Variants in BMPR1B observed in about 807,000 individuals in gnomAD.
BMPR1B encodes bone morphogenetic protein receptor type 1B.
BMPR1B carries 12 observed loss-of-function variants against 59.1 expected under a neutral mutation model. The ratio of observed to expected loss-of-function variants is 0.20; its 90% CI spans 0.13 to 0.33. BMPR1B has a LOEUF of 0.33. BMPR1B is among the 10% of genes least tolerant of loss of function. The pLI, the probability that BMPR1B is intolerant of heterozygous loss-of-function variation, is 1.00. For synonymous variants in BMPR1B, 237 were observed against 207.3 expected, an observed-to-expected ratio of 1.14 and a Z score of -1.23; for missense variants, 550 against 610.9, an observed-to-expected ratio of 0.90 and a Z score of 1.05.
At chr4:95,139,841 C>T (rs907487254) in intron 10 of BMPR1B, among the ~76,000 whole-genome samples, 1 of 152,172 alleles carries the variant, frequency 6.6e-6, no homozygotes, top group Non-Finnish European at 1.5e-5. Context: ...GTCATGGCTT[C>T]CCTTGGCTAG....
chr4:95,151,286 T>A (rs531469567), intron 11 of BMPR1B, among the ~76,000 whole-genome samples: 272 of 152,332 alleles, frequency 1.8e-3, no homozygotes, highest in Middle Eastern at 0.01. Context: ...GAGCTCTGCC[T>A]TCGTCTGTTG....
chr4:95,053,432 T>G (rs532845334), intron 3 of BMPR1B, among the ~76,000 whole-genome samples: 1 of 152,220 alleles, frequency 6.6e-6, no homozygotes, highest in East Asian at 1.9e-4. Flanking sequence ...ACTCACTAGT[T>G]GTATGAACTC....
chr4:95,079,966 A>G (rs149379130), intron 3 of BMPR1B, among the ~76,000 whole-genome samples: 2 of 152,212 alleles, frequency 1.3e-5, no homozygotes, highest in South Asian at 4.2e-4. Flanking sequence ...CTTTTCCCAA[A>G]TATTTGCCAA....
At chr4:94,938,325 T>C (rs1729393164) in intron 2 of BMPR1B, among the ~76,000 whole-genome samples, 1 of 152,072 alleles carries the variant, frequency 6.6e-6, no homozygotes, top group Non-Finnish European at 1.5e-5. Context: ...TGAAGCCCTG[T>C]CTCCACTAAA....
chr4:94,776,354 C>T (rs1722370190), intron 1 of BMPR1B, among the ~76,000 whole-genome samples: 1 of 152,200 alleles, frequency 6.6e-6, no homozygotes, highest in Admixed American at 6.5e-5. Context: ...GGTGATGCAT[C>T]ATAAGCATTT....
chr4:95,022,241 T>C (rs181698226), intron 3 of BMPR1B, among the ~76,000 whole-genome samples: 1 of 152,298 alleles, frequency 6.6e-6, no homozygotes, highest in East Asian at 1.9e-4. Flanking sequence ...TTTGTTTTAT[T>C]GGAAAGAAAA....
intron 2 of BMPR1B, among the ~76,000 whole-genome samples, chr4:94,912,202 A>G (rs1199032922): frequency 2.0e-5 from 3 of 152,168 alleles, no homozygotes; most frequent in African/African-American, 4.8e-5. Context: ...GGTCCCTCCA[A>G]CAACATATGG....
intron 10 of BMPR1B, among the ~76,000 whole-genome samples, chr4:95,139,146 A>G (rs1734025932): frequency 6.6e-6 from 1 of 152,182 alleles, no homozygotes; most frequent in South Asian, 2.1e-4. Flanking sequence ...CAGGACCCTC[A>G]GCTGCAGGTC....
At position 94,816,308 on chromosome 4, in the gene BMPR1B, G is replaced by A. The variant is rs1324471794; in HGVS notation, c.-183+58240G>A. On this transcript the variant is annotated intron_variant, in intron 1 of 12. Transcript: ENST00000515059. Reference sequence around the variant, plus strand: ...ACTGCAGGTGCACGCCACCAGGCCCGGCTAGTTTTCTTTTCTTTTCTTTTC... The same window carrying A: ...ACTGCAGGTGCACGCCACCAGGCCCAGCTAGTTTTCTTTTCTTTTCTTTTC... 3.3e-5 allele frequency among the ~76,000 whole-genome samples: 5 copies of A among 151,972 alleles called. No individual in the cohort carries two copies. In the East Asian group the frequency reaches 5.8e-4, roughly 18 times the overall value.
intron 1 of BMPR1B, among the ~76,000 whole-genome samples, chr4:94,763,827 A>G (rs1444709921): frequency 1.3e-5 from 2 of 152,212 alleles, no homozygotes; most frequent in East Asian, 3.8e-4. Context: ...ATGACCATCT[A>G]TAAAATGTAT....
At chr4:94,878,734 CT>C (rs542970645) in intron 2 of BMPR1B, among the ~76,000 whole-genome samples, 385 of 127,276 alleles carry the variant, frequency 3.0e-3, no homozygotes, top group Middle Eastern at 9.2e-3. Flanking sequence ...ACAGGTTCTG[CT>C]TTTTTTTTTT....
At chr4:94,857,941 T>C (rs1271562268) in intron 1 of BMPR1B, among the ~76,000 whole-genome samples, 2 of 149,484 alleles carry the variant, frequency 1.3e-5, no homozygotes, top group Non-Finnish European at 3.0e-5. Flanking sequence ...ATTTACTTTT[T>C]ATTTTTATTT....
At chr4:94,864,447 A>C (rs1373779696) in intron 1 of BMPR1B, among the ~76,000 whole-genome samples, 3 of 151,960 alleles carry the variant, frequency 2.0e-5, no homozygotes, top group African/African-American at 7.3e-5. Context: ...AGAACAAGGA[A>C]GGATTGGGAA....
chr4:94,895,958 A>G (rs1420202109), intron 2 of BMPR1B, among the ~76,000 whole-genome samples: 2 of 151,988 alleles, frequency 1.3e-5, no homozygotes, highest in African/African-American at 2.4e-5. Flanking sequence ...ACACAAATAT[A>G]CATATATATT....
intron 2 of BMPR1B, among the ~76,000 whole-genome samples, chr4:94,965,057 A>T (rs1040466832): frequency 2.0e-5 from 3 of 152,160 alleles, no homozygotes; most frequent in African/African-American, 7.2e-5. Flanking sequence ...TCCACAGCAC[A>T]TAAACTAGAA....
chr4:94,983,211 T>G (rs1721203387), intron 2 of BMPR1B, among the ~76,000 whole-genome samples: 1 of 152,164 alleles, frequency 6.6e-6, no homozygotes, highest in Non-Finnish European at 1.5e-5. Context: ...TCCCAAATAT[T>G]ATCACATTAT....
intron 1 of BMPR1B, among the ~76,000 whole-genome samples, chr4:94,802,116 A>T (rs1319746205): frequency 6.6e-6 from 1 of 152,152 alleles, no homozygotes; most frequent in Non-Finnish European, 1.5e-5. Context: ...TTTTGTATTT[A>T]GTTGTAGTAG....
At chr4:95,085,935 G>A (rs1332100680) in intron 3 of BMPR1B, among the ~76,000 whole-genome samples, 4 of 151,882 alleles carry the variant, frequency 2.6e-5, no homozygotes, top group African/African-American at 9.7e-5. Flanking sequence ...AGGTTTTGTG[G>A]GAATAATTTG....
At chr4:94,848,491 C>T (rs1295209499) in intron 1 of BMPR1B, among the ~76,000 whole-genome samples, 3 of 152,226 alleles carry the variant, frequency 2.0e-5, no homozygotes, top group East Asian at 1.9e-4. Flanking sequence ...AGACCAGCAA[C>T]GAGGCCAGCA....
Sources: allele counts gnomAD v4.1 joint callset (sites outside exome capture counted in the v4.1 genomes callset), GRCh38; gene constraint gnomAD v4.1.1; transcripts MANE v1.5; gene names NCBI Gene and HGNC (gene_info 2026-07-23, HGNC 2026-07-21).